Variants in CLDN20 observed in about 807,000 individuals in gnomAD.
CLDN20 encodes claudin-20.
For synonymous variants in CLDN20, 104 were observed against 103.6 expected, an observed-to-expected ratio of 1.00 and a Z score of -0.03; for missense variants, 258 against 267.9, an observed-to-expected ratio of 0.96 and a Z score of 0.26.
intron 1 of CLDN20, among the ~76,000 whole-genome samples, chr6:155,270,839 A>G (rs2114698099): frequency 6.6e-6 from 1 of 152,318 alleles, no homozygotes; most frequent in Non-Finnish European, 1.5e-5. Flanking sequence ...CACTGCTGCG[A>G]CTATTAGTGT....
At chr6:155,272,852 A>G (rs140901718) in intron 1 of CLDN20, among the ~76,000 whole-genome samples, 62 of 152,320 alleles carry the variant, frequency 4.1e-4, no homozygotes, top group African/African-American at 1.4e-3. Flanking sequence ...ATCATGATGA[A>G]CAAACTGTCT....
Position 155,276,424 on chromosome 6 carries a change from G to T in CLDN20, c.*45G>T. Reference sequence around the variant, plus strand: ...GAAATGGAACTTTTGGGTGCCAAATGGGACTTTTAGATTAAAAAAAAATCA... The same window carrying T: ...GAAATGGAACTTTTGGGTGCCAAATTGGACTTTTAGATTAAAAAAAAATCA... On this transcript the variant is annotated 3_prime_UTR_variant, in exon 2 of 2. Transcript: ENST00000367165. The T allele has an allele frequency of 6.6e-7, 1 of 1,518,870 alleles. No individual in the cohort carries two copies. The highest frequency in any genetic ancestry group is 2.3e-5 in the East Asian group (1 of 43,740). The allele number at this position is 1,518,870 out of a possible 1,614,324, so 94.1% of individuals were successfully genotyped here.
At chr6:155,267,900 C>G (rs1024757280) in intron 1 of CLDN20, among the ~76,000 whole-genome samples, 2 of 152,182 alleles carry the variant, frequency 1.3e-5, no homozygotes, top group Non-Finnish European at 1.5e-5. Context: ...GACTTTCAAA[C>G]AATGAGTCCT....
chr6:155,270,620 T>C (rs921074944), intron 1 of CLDN20, among the ~76,000 whole-genome samples: 4 of 152,194 alleles, frequency 2.6e-5, no homozygotes, highest in Non-Finnish European at 4.4e-5. Context: ...GAAATGTACA[T>C]TAAATGTACA....
At chr6:155,273,694 G>C (rs1342630555) in intron 1 of CLDN20, among the ~76,000 whole-genome samples, 1 of 152,182 alleles carries the variant, frequency 6.6e-6, no homozygotes, top group Non-Finnish European at 1.5e-5. Context: ...GTGGTAAAAG[G>C]GGAAAGGATG....
intron 1 of CLDN20, among the ~76,000 whole-genome samples, chr6:155,267,298 A>G (rs1784699222): frequency 6.6e-6 from 1 of 152,194 alleles, no homozygotes; most frequent in African/African-American, 2.4e-5. Flanking sequence ...CTTCTTGATG[A>G]AAGGGTCAGC....
intron 1 of CLDN20, among the ~76,000 whole-genome samples, chr6:155,266,723 TG>T (rs1193162296): frequency 6.6e-6 from 1 of 151,736 alleles, no homozygotes; most frequent in Admixed American, 6.6e-5. Context: ...GGCGGCCGCC[TG>T]TAGTCCCCGC....
chr6:155,270,417 A>G (rs9397237), intron 1 of CLDN20, among the ~76,000 whole-genome samples: 19,509 of 152,192 alleles, frequency 0.13, 1,541 homozygotes, highest in Non-Finnish European at 0.19. Flanking sequence ...TAATGTTGAT[A>G]AACTATATTT....
intron 1 of CLDN20, among the ~76,000 whole-genome samples, chr6:155,268,392 G>C (rs1784758939): frequency 6.6e-6 from 1 of 152,224 alleles, no homozygotes; most frequent in South Asian, 2.1e-4. Context: ...GATTAGGGTA[G>C]AGGTCTCTCT....
intron 1 of CLDN20, among the ~76,000 whole-genome samples, chr6:155,266,360 G>C (rs1291191558): frequency 6.6e-6 from 1 of 152,150 alleles, no homozygotes; most frequent in Non-Finnish European, 1.5e-5. Flanking sequence ...GAGAATCACA[G>C]GTTTGGGGAA....
intron 1 of CLDN20, among the ~76,000 whole-genome samples, chr6:155,272,320 G>C (rs1159224193): frequency 2.0e-5 from 3 of 152,140 alleles, no homozygotes; most frequent in African/African-American, 4.8e-5. Context: ...AATAAACCTT[G>C]TCTGGAAAGC....
At chr6:155,271,816 C>T (rs1784933428) in intron 1 of CLDN20, among the ~76,000 whole-genome samples, 1 of 152,090 alleles carries the variant, frequency 6.6e-6, no homozygotes, top group Non-Finnish European at 1.5e-5. Flanking sequence ...GAAAAGAAGG[C>T]CTTTTTGTGA....
intron 1 of CLDN20, among the ~76,000 whole-genome samples, chr6:155,270,812 G>A (rs1028658096): frequency 1.3e-5 from 2 of 152,058 alleles, no homozygotes; most frequent in Non-Finnish European, 2.9e-5. Flanking sequence ...AGGTGTCTTC[G>A]GATGCAGCAC....
At chr6:155,269,424 C>A (rs1428707017) in intron 1 of CLDN20, among the ~76,000 whole-genome samples, 1 of 149,754 alleles carries the variant, frequency 6.7e-6, no homozygotes, top group African/African-American at 2.5e-5. Context: ...TGGGTTCAAG[C>A]GATTCTCTTG....
intron 1 of CLDN20, among the ~76,000 whole-genome samples, chr6:155,265,727 TAA>T (rs1784601923): frequency 2.7e-5 from 4 of 145,684 alleles, no homozygotes; most frequent in Admixed American, 6.9e-5. Flanking sequence ...ATATATAATA[TAA>T]ATATATATTA....
chr6:155,271,966 G>C (rs974887600), intron 1 of CLDN20, among the ~76,000 whole-genome samples: 2 of 152,156 alleles, frequency 1.3e-5, no homozygotes, highest in African/African-American at 2.4e-5. Flanking sequence ...CAAAAAATGA[G>C]ATGGAGAACC....
At position 155,276,328 on chromosome 6, in the gene CLDN20, TAACA is replaced by T; in HGVS notation, c.610_613del (p.Asn204HisfsTer11). 1 of 1,613,728 alleles carries T rather than the reference TAACA, an allele frequency of 6.2e-7. No homozygotes were observed. Among genetic ancestry groups the T allele is most frequent in the East Asian group, 2.2e-5 (1 of 44,874 alleles). Reference sequence around the variant, plus strand: ...ACCCACCCACACAGCAGCCTATCTCTAACACACAGCTCGAGAACAATTCCACACA... The same window carrying T: ...ACCCACCCACACAGCAGCCTATCTCTCACAGCTCGAGAACAATTCCACACA... On this transcript the variant is annotated frameshift_variant, in exon 2 of 2. Coordinates refer to ENST00000367165, the MANE Select transcript of CLDN20 (RefSeq NM_001001346.3). LOFTEE classifies it low-confidence loss of function (END_TRUNC).
Position 155,275,873 on chromosome 6 carries a change from A to T in CLDN20, c.154A>T (p.Met52Leu). ...TAIVQLHGLWMDCTWYSTGMF... is the reference protein window; with the variant it reads ...TAIVQLHGLWLDCTWYSTGMF... ...CATTGTACAGCTGCACGGGCTCTGG[A>T]TGGACTGTACGTGGTACAGCACTGG... Residue 52 changes from methionine (M) to leucine (L), a missense_variant, in exon 2 of 2, where the codon ATG becomes TTG. Physicochemically the swap from Met to Leu is conservative, Grantham distance 15. Transcript: ENST00000367165. 1 of 1,614,114 alleles carries T rather than the reference A, an allele frequency of 6.2e-7. No homozygotes were observed. The highest frequency in any genetic ancestry group is 8.5e-7 in the Non-Finnish European group (1 of 1,180,020).
chr6:155,268,863 G>C (rs1041988666), intron 1 of CLDN20, among the ~76,000 whole-genome samples: 4 of 146,120 alleles, frequency 2.7e-5, no homozygotes, highest in African/African-American at 1.0e-4. Context: ...TTGTTCACTT[G>C]TTTATCTGCT....
Sources: gnomAD v4.1 joint callset for allele counts (sites outside exome capture counted in the v4.1 genomes callset) on GRCh38, gnomAD v4.1.1 for gene constraint, MANE v1.5 for transcripts, NCBI Gene and HGNC (gene_info 2026-07-23, HGNC 2026-07-21) for gene names.